The following ARFIP1 variants were observed in gnomAD, a reference collection of about 807,000 sequenced individuals.
ARFIP1 encodes the protein ARF interacting protein 1.
Under a neutral mutation model 42.5 loss-of-function variants are expected in ARFIP1, and 24 were observed. The observed-to-expected ratio is 0.57, with a 90% CI of 0.41 to 0.80. The LOEUF (loss-of-function observed/expected upper bound fraction) is 0.80. Among genes scored for constraint, ARFIP1 ranks in the 30% least tolerant of loss-of-function variants. The pLI, the probability that ARFIP1 is intolerant of heterozygous loss-of-function variation, is 0.00. For missense variants in ARFIP1, 354 were observed against 434.0 expected, an observed-to-expected ratio of 0.82 and a Z score of 1.64; for synonymous variants, 141 against 153.7, an observed-to-expected ratio of 0.92 and a Z score of 0.61.
At chr4:152,824,571 A>G (rs904423873) in intron 1 of ARFIP1, among the ~76,000 whole-genome samples, 1 of 152,228 alleles carries the variant, frequency 6.6e-6, no homozygotes, top group Non-Finnish European at 1.5e-5. Context: ...GACACACTCA[A>G]CAGCCAGCAT....
chr4:152,882,364 A>G (rs190092525), intron 6 of ARFIP1, among the ~76,000 whole-genome samples: 2 of 152,306 alleles, frequency 1.3e-5, no homozygotes, highest in Admixed American at 6.5e-5. Context: ...TGGCTGTGAA[A>G]GTTATAGTTT....
intron 2 of ARFIP1, among the ~76,000 whole-genome samples, chr4:152,852,932 T>C (rs1733114016): frequency 6.6e-6 from 1 of 152,188 alleles, no homozygotes; most frequent in African/African-American, 2.4e-5. Flanking sequence ...AGGAAGGCCT[T>C]AGTGATTTTC....
chr4:152,882,885 G>T lies in ARFIP1; in HGVS notation c.791+5G>T. On this transcript the variant is annotated splice_donor_5th_base_variant and intron_variant, in intron 7 of 8. Coordinates refer to ENST00000353617, the MANE Select transcript of ARFIP1 (RefSeq NM_001025595.3). Reference sequence around the variant, plus strand: ...GAAACAGTATGAAAGTGCCAGGTAAGGTATACATTTTCACTGTGTTGTCTG... The same window carrying T: ...GAAACAGTATGAAAGTGCCAGGTAATGTATACATTTTCACTGTGTTGTCTG... 6.3e-7 allele frequency: 1 copy of T among 1,599,126 alleles called. No homozygotes were observed. The highest frequency in any genetic ancestry group is 1.1e-5 in the South Asian group (1 of 88,148).
At chr4:152,793,118 T>C (rs1239298690) in intron 1 of ARFIP1, among the ~76,000 whole-genome samples, 1 of 151,966 alleles carries the variant, frequency 6.6e-6, no homozygotes, top group Non-Finnish European at 1.5e-5. Flanking sequence ...AATTAGAAAA[T>C]GTATAACCTA....
Position 152,825,727 on chromosome 4 carries a change from A to G in ARFIP1, c.-9-3898A>G, listed in dbSNP as rs193171107. The stretch of plus-strand genomic sequence containing the variant: ...ACAAAGCTTCTGCACAGCAAAAGAA[A>G]TAATCATCAGAATAAACAGACAACC... On this transcript the variant is annotated intron_variant, in intron 1 of 8. Transcript: ENST00000353617. Among the ~76,000 whole-genome samples, 425 of 152,368 alleles carry G rather than the reference A, an allele frequency of 2.8e-3. 1 individual carries two copies. Among genetic ancestry groups the G allele is most frequent in the Non-Finnish European group, 4.5e-3 (303 of 68,040 alleles).
chr4:152,798,932 A>G (rs934699416), intron 1 of ARFIP1, among the ~76,000 whole-genome samples: 2 of 152,242 alleles, frequency 1.3e-5, no homozygotes, highest in African/African-American at 4.8e-5. Context: ...AAACAGTCAC[A>G]TCAGTCCTAA....
chr4:152,908,534 C>T (rs187611529), intron 8 of ARFIP1, among the ~76,000 whole-genome samples: 5 of 151,850 alleles, frequency 3.3e-5, no homozygotes, highest in South Asian at 2.1e-4. Context: ...CGCTTGAACC[C>T]GGGAGGCAGA....
At chr4:152,874,522 C>T (rs1190548545) in intron 5 of ARFIP1, among the ~76,000 whole-genome samples, 1 of 152,182 alleles carries the variant, frequency 6.6e-6, no homozygotes, top group Non-Finnish European at 1.5e-5. Flanking sequence ...ATGGGGTCTG[C>T]ATGACTCTCT....
intron 1 of ARFIP1, among the ~76,000 whole-genome samples, chr4:152,802,320 GTCTT>G (rs201301969): frequency 0.019 from 2,883 of 152,150 alleles, 40 homozygotes; most frequent in Admixed American, 0.037. Context: ...TTAGCTTTGT[GTCTT>G]TCTTTTCTTC....
chr4:152,789,315 C>A (rs1043285581), intron 1 of ARFIP1, among the ~76,000 whole-genome samples: 2 of 151,806 alleles, frequency 1.3e-5, no homozygotes, highest in Admixed American at 1.3e-4. Flanking sequence ...GTCTTGAACT[C>A]CTGACCTCAG....
intron 1 of ARFIP1, among the ~76,000 whole-genome samples, chr4:152,818,091 C>CA (rs1730053207): frequency 6.6e-6 from 1 of 152,314 alleles, no homozygotes; most frequent in South Asian, 2.1e-4. Context: ...CCCAAGATGG[C>CA]AGACTGGAGA....
At position 152,891,422 on chromosome 4, in the gene ARFIP1, C is replaced by T. The variant is rs974121253; in HGVS notation, c.966+3115C>T. The stretch of plus-strand genomic sequence containing the variant: ...GACTGTTCTTTTAAGTAGTAATTGT[C>T]ATTTAGAAGAAGACAGAGATCCATG... On this transcript the variant is annotated intron_variant, in intron 8 of 8. Coordinates refer to ENST00000353617, the MANE Select transcript of ARFIP1 (RefSeq NM_001025595.3). 2.0e-5 allele frequency among the ~76,000 whole-genome samples: 3 copies of T among 152,132 alleles called. No homozygotes were observed. In the East Asian group the frequency reaches 5.8e-4, roughly 29 times the overall value.
intron 8 of ARFIP1, among the ~76,000 whole-genome samples, chr4:152,905,312 A>G (rs1389977383): frequency 6.6e-6 from 1 of 152,142 alleles, no homozygotes; most frequent in African/African-American, 2.4e-5. Context: ...ACAACTGTGT[A>G]TGATAGTTTC....
chr4:152,889,524 TATATATATATACAC>T (rs1561172871), intron 8 of ARFIP1, among the ~76,000 whole-genome samples: 1 of 87,808 alleles, frequency 1.1e-5, no homozygotes, highest in Non-Finnish European at 2.3e-5. Context: ...TATATATATA[TATATATATATACAC>T]CTATTTTTGT....
intron 8 of ARFIP1, among the ~76,000 whole-genome samples, chr4:152,890,028 A>G (rs1278501225): frequency 2.0e-5 from 3 of 150,430 alleles, no homozygotes; most frequent in Non-Finnish European, 3.0e-5. Flanking sequence ...TTTAGATAAT[A>G]GACATTGTAC....
chr4:152,872,761 A>G (rs1415931442), intron 5 of ARFIP1, among the ~76,000 whole-genome samples, 197 bp downstream of exon 5: 2 of 152,174 alleles, frequency 1.3e-5, no homozygotes, highest in Non-Finnish European at 2.9e-5. Context: ...TTAGTACAAA[A>G]GAGTAAAAAA....
intron 1 of ARFIP1, among the ~76,000 whole-genome samples, chr4:152,795,820 A>ATTTTTTTTT (rs56845391): frequency 0.011 from 310 of 28,032 alleles, 22 homozygotes; most frequent in African/African-American, 0.014. Flanking sequence ...GGCCCTTGTA[A>ATTTTTTTTT]TTTTTTTTTT....
chr4:152,816,001 C>T (rs371594292), intron 1 of ARFIP1, among the ~76,000 whole-genome samples: 16 of 152,148 alleles, frequency 1.1e-4, no homozygotes, highest in African/African-American at 3.9e-4. Flanking sequence ...GCCTCAGCCT[C>T]CCAAAGTGCT....
intron 1 of ARFIP1, among the ~76,000 whole-genome samples, chr4:152,815,043 C>T (rs1561117157): frequency 1.3e-5 from 2 of 152,172 alleles, no homozygotes; most frequent in African/African-American, 4.8e-5. Context: ...TTTTACCTGT[C>T]CTCAGAAGCC....
Sources: allele counts gnomAD v4.1 joint callset (sites outside exome capture counted in the v4.1 genomes callset), GRCh38; gene constraint gnomAD v4.1.1; transcripts MANE v1.5; gene names NCBI Gene and HGNC (gene_info 2026-07-23, HGNC 2026-07-21).